NINL: variants seen among roughly 807,000 people sequenced by gnomAD.
NINL encodes ninein-like protein.
NINL carries 153 observed loss-of-function variants against 160.3 expected under a neutral mutation model. That is an observed-to-expected ratio of 0.95 (90% CI 0.84 to 1.09). NINL has a LOEUF of 1.09. NINL is among the 50% of genes least tolerant of loss of function. The probability of loss-of-function intolerance (pLI) is 0.00; values close to 1 mark genes in which losing one functional copy is unlikely to be tolerated. For synonymous variants in NINL, 800 were observed against 734.8 expected (o/e 1.09, Z -1.43); for missense variants, 1,829 against 1,764.0 (o/e 1.04, Z -0.66).
chr20:25,566,903 T>C (rs928230635), intron 1 of NINL, among the ~76,000 whole-genome samples: 8 of 152,088 alleles, frequency 5.3e-5, no homozygotes, highest in Admixed American at 5.2e-4. Flanking sequence ...CCTGTAATCC[T>C]ACCACTTCGG....
intron 1 of NINL, among the ~76,000 whole-genome samples, chr20:25,541,001 T>TA (rs1228859199): frequency 1.3e-5 from 2 of 151,624 alleles, no homozygotes; most frequent in Admixed American, 1.3e-4. Flanking sequence ...AATCTAAAAA[T>TA]AAGCTTATAC....
chr20:25,513,627 G>T (rs1389213188), intron 3 of NINL, among the ~76,000 whole-genome samples: 1 of 152,240 alleles, frequency 6.6e-6, no homozygotes, highest in Admixed American at 6.5e-5. Context: ...ATGTCAAATT[G>T]TAACCCTCAG....
intron 1 of NINL, among the ~76,000 whole-genome samples, chr20:25,528,322 A>C (rs931461713): frequency 6.6e-6 from 1 of 152,222 alleles, no homozygotes. Context: ...GGTGTAAGCC[A>C]CTGCACCCAG....
Position 25,489,945 on chromosome 20 carries a change from T to G in NINL, c.1526A>C (p.Glu509Ala). 6.2e-7 allele frequency: 1 copy of G among 1,614,182 alleles called. No individual in the cohort carries two copies. ...RLQKEIVEVVEKLSDSERLAL... is the reference protein window; with the variant it reads ...RLQKEIVEVVAKLSDSERLAL... ...CAGCCTCTCCGAATCCGAAAGCTTT[T>G]CCACCACTTCCACAATCTCCTTCTG... Residue 509 changes from glutamate (E) to alanine (A), a missense_variant, in exon 12 of 24, where the codon GAA (glutamate) becomes GCA (alanine). Glu to Ala is a moderately radical substitution (Grantham distance 107, BLOSUM62 -1). Transcript: ENST00000278886.
At chr20:25,487,900 C>T (rs571764063) in intron 13 of NINL, among the ~76,000 whole-genome samples, 3 of 152,224 alleles carry the variant, frequency 2.0e-5, no homozygotes, top group African/African-American at 7.2e-5. Context: ...ACCAGGCTTT[C>T]CTCACAGAAC....
chr20:25,565,412 G>A (rs1038245270), intron 1 of NINL, among the ~76,000 whole-genome samples: 8 of 151,954 alleles, frequency 5.3e-5, no homozygotes, highest in Admixed American at 2.6e-4. Context: ...GGAGGGAGAG[G>A]GAAGAGAGGC....
chr20:25,514,533 C>T (rs866442263), intron 3 of NINL, among the ~76,000 whole-genome samples: 1 of 152,184 alleles, frequency 6.6e-6, no homozygotes, highest in South Asian at 2.1e-4. Context: ...GAGGAAGGAA[C>T]TCAACTCAAC....
Position 25,477,044 on chromosome 20 carries a change from T to C in NINL, c.2247A>G (p.Gly749=), listed in dbSNP as rs1601070813. 6.3e-7 allele frequency: 1 copy of C among 1,598,424 alleles called. No homozygotes were observed. The highest frequency in any genetic ancestry group is 8.5e-7 in the Non-Finnish European group (1 of 1,179,526). The change falls in exon 17 of 24, where the codon GGA becomes GGG. Residue 749 remains glycine (G), a synonymous_variant. Transcript: ENST00000278886. ...TCAGGTCTCTGCGAGCGGGCAGGGC[T>C]CCCAGCCCCGACAGCTCTCCACTCA... ...AELSGELSGL[G]ALPARRDLTL...
At chr20:25,490,516 T>C (rs1357642916) in intron 11 of NINL, among the ~76,000 whole-genome samples, 2 of 139,410 alleles carry the variant, frequency 1.4e-5, no homozygotes, top group African/African-American at 2.8e-5. Flanking sequence ...GTGGAGATCA[T>C]GCCACTGCAC....
At chr20:25,573,173 T>TAC (rs2065074135) in intron 1 of NINL, among the ~76,000 whole-genome samples, 1 of 151,914 alleles carries the variant, frequency 6.6e-6, no homozygotes, top group Non-Finnish European at 1.5e-5. Flanking sequence ...GGCACATGCC[T>TAC]GTAGTGCCAG....
intron 13 of NINL, among the ~76,000 whole-genome samples, chr20:25,482,989 T>C (rs891248895): frequency 2.9e-5 from 4 of 137,618 alleles, no homozygotes; most frequent in African/African-American, 5.6e-5. Flanking sequence ...ATGCCATTCA[T>C]TGCACTCCAG....
chr20:25,540,012 C>T (rs1284904306), intron 1 of NINL: 5 of 1,288,214 alleles, frequency 3.9e-6, no homozygotes, highest in Non-Finnish European at 4.0e-6. Context: ...TAATAATACA[C>T]ACTGTTTACC....
chr20:25,527,961 A>G lies in NINL; in HGVS notation c.-11-1363T>C, dbSNP rs559101563. ...GAAAATAACCTAAAATATCCAACAG[A>G]AGAATAGTTTGTCAAATTACTGTGT... On this transcript the variant is annotated intron_variant, in intron 1 of 23. Transcript: ENST00000278886. Among the ~76,000 whole-genome samples, 10 of 152,352 alleles carry G rather than the reference A, an allele frequency of 6.6e-5. No homozygotes were observed. In the South Asian group the frequency reaches 1.9e-3, roughly 28 times the overall value.
chr20:25,535,178 C>T (rs1467203914), intron 1 of NINL, among the ~76,000 whole-genome samples: 2 of 152,118 alleles, frequency 1.3e-5, no homozygotes, highest in African/African-American at 2.4e-5. Flanking sequence ...GAGAGACAAA[C>T]GCCACAGACC....
At chr20:25,567,548 A>G (rs1165639639) in intron 1 of NINL, among the ~76,000 whole-genome samples, 1 of 152,174 alleles carries the variant, frequency 6.6e-6, no homozygotes, top group Non-Finnish European at 1.5e-5. Context: ...ATCATATTCA[A>G]ACTGCAGGAA....
intron 1 of NINL, among the ~76,000 whole-genome samples, chr20:25,536,980 G>A (rs2064568117): frequency 6.6e-6 from 1 of 152,210 alleles, no homozygotes; most frequent in Non-Finnish European, 1.5e-5. Context: ...ATGAGTATCA[G>A]GAGAAATATC....
intron 23 of NINL, among the ~76,000 whole-genome samples, chr20:25,454,035 G>A (rs1027881997): frequency 7.9e-5 from 12 of 151,798 alleles, no homozygotes; most frequent in South Asian, 2.1e-4. Flanking sequence ...CAGCCTAGGC[G>A]ACAGAGCAAG....
intron 2 of NINL, among the ~76,000 whole-genome samples, chr20:25,525,149 G>A (rs2064334649): frequency 6.6e-6 from 1 of 152,168 alleles, no homozygotes; most frequent in Non-Finnish European, 1.5e-5. Flanking sequence ...CAGAGAAAGG[G>A]CATGAGTTTG....
chr20:25,491,962 A>G (rs1325845372), intron 10 of NINL, among the ~76,000 whole-genome samples: 1 of 152,254 alleles, frequency 6.6e-6, no homozygotes, highest in Non-Finnish European at 1.5e-5. Context: ...CAATCTGAGG[A>G]AGAGGTGGGG....
Sources: allele counts gnomAD v4.1 joint callset (sites outside exome capture counted in the v4.1 genomes callset), GRCh38; gene constraint gnomAD v4.1.1; transcripts MANE v1.5; gene names NCBI Gene and HGNC (gene_info 2026-07-23, HGNC 2026-07-21).